Variants in NIBAN1 observed in about 807,000 individuals in gnomAD.
The protein encoded by NIBAN1 is niban apoptosis regulator 1, also known as protein Niban 1.
Under a neutral mutation model 75.1 loss-of-function variants are expected in NIBAN1, and 81 were observed. That is an observed-to-expected ratio of 1.08 (90% CI 0.90 to 1.30). The LOEUF is 1.30. Among genes scored for constraint, NIBAN1 ranks in the 50% most tolerant of loss-of-function variants. The pLI, the probability that NIBAN1 is intolerant of heterozygous loss-of-function variation, is 0.00. For synonymous variants in NIBAN1, 436 were observed against 424.8 expected (o/e 1.03, Z -0.32); for missense variants, 1,133 against 1,128.1 (o/e 1.00, Z -0.06).
rs1653744530 is a variant in NIBAN1 at position 184,793,260 on chromosome 1, G to C, written c.*1717C>G. On this transcript the variant is annotated 3_prime_UTR_variant, in exon 14 of 14. Coordinates refer to ENST00000367511, the MANE Select transcript of NIBAN1 (RefSeq NM_052966.4). ...GTTCTCAACAAATATGTTGAGATCT[G>C]ATGTTAAAATTTGGGGAGGGGCCAG... is the stretch of plus-strand genomic sequence containing the variant. The C allele has an allele frequency of 6.6e-6, 1 of 152,092 alleles. No homozygotes were observed. Among genetic ancestry groups the C allele is most frequent in the South Asian group, 2.1e-4 (1 of 4,820 alleles). 9.4% of individuals were successfully genotyped at this position (152,092 alleles called of 1,614,324 possible). A position where few individuals can be genotyped will look rare whatever the true frequency, so the allele number is the denominator to read the frequency against.
rs758403804 is a variant in NIBAN1, at chr1:184,795,734, G to A, written c.2030C>T (p.Pro677Leu). 12 of 1,612,686 alleles carry A rather than the reference G, an allele frequency of 7.4e-6. No homozygotes were observed. The highest frequency in any genetic ancestry group is 5.5e-5 in the South Asian group (5 of 90,872). The change falls in exon 14 of 14, where the codon CCG becomes CTG. Residue 677 changes from proline (P) to leucine (L), a missense_variant. Transcript: ENST00000367511. Reference protein sequence around the residue: ...PVATEDTAGLPGTCSSELEFG... With the variant: ...PVATEDTAGLLGTCSSELEFG... ...CTCCAGCTCTGATGAGCATGTGCCC[G>A]GGAGTCCTGCTGTGTCCTCTGTTGC...
chr1:184,928,600 A>G (rs954254402), intron 1 of NIBAN1, among the ~76,000 whole-genome samples: 1 of 151,936 alleles, frequency 6.6e-6, no homozygotes, highest in Non-Finnish European at 1.5e-5. Context: ...ATTGCTTTCC[A>G]CTGTGACAGG....
chr1:184,857,530 C>T (rs1401935877), intron 5 of NIBAN1, among the ~76,000 whole-genome samples: 3 of 152,056 alleles, frequency 2.0e-5, no homozygotes, highest in Admixed American at 6.6e-5. Context: ...TAATTAGCTA[C>T]AATGAATGTA....
intron 1 of NIBAN1, among the ~76,000 whole-genome samples, chr1:184,972,702 G>A (rs563446268): frequency 4.6e-5 from 7 of 152,212 alleles, no homozygotes; most frequent in East Asian, 1.9e-4. Context: ...TAACTCCCTC[G>A]TACTTTTGTA....
intron 1 of NIBAN1, among the ~76,000 whole-genome samples, chr1:184,925,065 C>T (rs1339483714): frequency 2.0e-5 from 3 of 151,848 alleles, no homozygotes; most frequent in African/African-American, 7.3e-5. Context: ...TTATTAGCTG[C>T]TTATTATAAT....
At chr1:184,806,860 C>G (rs1654212710) in intron 10 of NIBAN1, among the ~76,000 whole-genome samples, 5 of 151,262 alleles carry the variant, frequency 3.3e-5, no homozygotes, top group Admixed American at 3.3e-4. Flanking sequence ...CCTCTGCCTC[C>G]AGGGTTCAAG....
At chr1:184,969,164 A>G (rs1290888359) in intron 1 of NIBAN1, among the ~76,000 whole-genome samples, 1 of 152,222 alleles carries the variant, frequency 6.6e-6, no homozygotes, top group Non-Finnish European at 1.5e-5. Flanking sequence ...AAATTTGGGG[A>G]TTCTATCATT....
chr1:184,806,608 G>C (rs534924222), intron 10 of NIBAN1, among the ~76,000 whole-genome samples: 79 of 152,050 alleles, frequency 5.2e-4, no homozygotes, highest in African/African-American at 1.9e-3. Flanking sequence ...CTGCTAAACT[G>C]TTGCCCAATT....
At chr1:184,852,315 T>C (rs894061320) in intron 5 of NIBAN1, among the ~76,000 whole-genome samples, 1 of 152,180 alleles carries the variant, frequency 6.6e-6, no homozygotes, top group African/African-American at 2.4e-5. Context: ...AATATTACTA[T>C]CCCCTGCTTG....
chr1:184,839,013 C>A (rs1425799355), intron 5 of NIBAN1, among the ~76,000 whole-genome samples: 2 of 152,120 alleles, frequency 1.3e-5, no homozygotes, highest in Non-Finnish European at 2.9e-5. Flanking sequence ...CTGTGTGCCC[C>A]AGTTTCTTTC....
At chr1:184,878,578 T>C (rs932892817) in intron 5 of NIBAN1, among the ~76,000 whole-genome samples, 6 of 152,196 alleles carry the variant, frequency 3.9e-5, no homozygotes, top group Non-Finnish European at 8.8e-5. Context: ...ACACAGATCA[T>C]ACAATTTATC....
chr1:184,869,935 T>C (rs1656058847), intron 5 of NIBAN1, among the ~76,000 whole-genome samples: 1 of 152,152 alleles, frequency 6.6e-6, no homozygotes, highest in Non-Finnish European at 1.5e-5. Flanking sequence ...GTAATACAAT[T>C]TGAGAAAAAT....
chr1:184,917,943 T>A (rs1435375837), intron 1 of NIBAN1, among the ~76,000 whole-genome samples: 1 of 151,846 alleles, frequency 6.6e-6, no homozygotes, highest in Non-Finnish European at 1.5e-5. Context: ...TCTTAATCAG[T>A]CACTCTTTCC....
rs1258021151 is a variant in NIBAN1, at chr1:184,821,660, G to A, written c.985+1507C>T. On this transcript the variant is annotated intron_variant, in intron 8 of 13. Transcript: ENST00000367511. ...TCAGCCATGAGAACGGCTACAGTTA[G>A]GCCCAACTTAGCTCCAGATAGCAGA... is the stretch of plus-strand genomic sequence containing the variant. Among the ~76,000 whole-genome samples the A allele has an allele frequency of 2.0e-5, 3 of 152,142 alleles. No homozygotes were observed. The East Asian group carries it at 5.8e-4, about 29-fold the overall frequency.
Position 184,831,931 on chromosome 1 carries a change from T to C in NIBAN1, c.633A>G (p.Gln211=), listed in dbSNP as rs487675. The C allele has an allele frequency of 0.33, 528,785 of 1,611,862 alleles. 88,912 individuals carry two copies. The highest frequency in any genetic ancestry group is 0.37 in the African/African-American group (27,987 of 74,874). The change falls in exon 6 of 14, where the codon CAA becomes CAG. Residue 211 remains glutamine (Q), a synonymous_variant. Transcript: ENST00000367511. ...AGAATTGCACAGCTTCTAAAAAGGC[T>C]TGGGCTTCAAATGTCATCTGCTTCA... ...DYMKQMTFEA[Q]AFLEAVQFFR...
intron 5 of NIBAN1, among the ~76,000 whole-genome samples, chr1:184,835,594 T>C (rs1488699044): frequency 4.6e-5 from 7 of 152,318 alleles, no homozygotes; most frequent in African/African-American, 1.2e-4. Flanking sequence ...CATTTTATTC[T>C]CTTTGTAGCA....
chr1:184,811,018 T>C (rs1420128737), intron 9 of NIBAN1, among the ~76,000 whole-genome samples: 2 of 152,038 alleles, frequency 1.3e-5, no homozygotes, highest in Admixed American at 6.6e-5. Flanking sequence ...CTCCATAGAT[T>C]TGTGTTTTGA....
At chr1:184,943,119 A>G (rs907366213) in intron 1 of NIBAN1, among the ~76,000 whole-genome samples, 2 of 152,230 alleles carry the variant, frequency 1.3e-5, no homozygotes, top group African/African-American at 2.4e-5. Context: ...CATAGTAGAC[A>G]TAAAATTCTG....
rs556404470 is a variant in NIBAN1 at position 184,890,183 on chromosome 1, G to A, written c.358C>T (p.Pro120Ser). ...RGAAPKCRIL[P>S]AGGKVLTSED... is the part of the protein sequence containing the mutation. Reference sequence around the variant, plus strand: ...GAGGTTAACACCTTGCCACCGGCTGGAAGAATTCGACATTTAGGAGCAGCT... The same window carrying A: ...GAGGTTAACACCTTGCCACCGGCTGAAAGAATTCGACATTTAGGAGCAGCT... The change falls in exon 4 of 14, where the codon CCA (proline) becomes TCA (serine). Residue 120 changes from proline (P) to serine (S), a missense_variant. Transcript: ENST00000367511. 1 of 1,613,924 alleles carries A rather than the reference G, an allele frequency of 6.2e-7. No individual in the cohort carries two copies. Among genetic ancestry groups the A allele is most frequent in the Non-Finnish European group, 8.5e-7 (1 of 1,179,868 alleles).
Sources: allele counts gnomAD v4.1 joint callset (sites outside exome capture counted in the v4.1 genomes callset), GRCh38; gene constraint gnomAD v4.1.1; transcripts MANE v1.5; gene names NCBI Gene and HGNC (gene_info 2026-07-23, HGNC 2026-07-21).